The following DGKB variants were observed in gnomAD, a reference collection of about 807,000 sequenced individuals.
DGKB encodes the protein 90 kDa diacylglycerol kinase.
A neutral mutation model predicts 114.3 loss-of-function variants in DGKB; 67 were observed. That is an observed-to-expected ratio of 0.59 (90% confidence interval 0.48 to 0.72). The LOEUF (loss-of-function observed/expected upper bound fraction) is 0.72. Ranked by LOEUF, DGKB falls within the 30% of genes least tolerant of loss-of-function variation. The pLI, the probability that DGKB is intolerant of heterozygous loss-of-function variation, is 0.00. For missense variants in DGKB, 907 were observed against 975.2 expected (o/e 0.93, Z 0.93); for synonymous variants, 398 against 323.1 (o/e 1.23, Z -2.49).
intron 21 of DGKB, among the ~76,000 whole-genome samples, chr7:14,367,979 A>G (rs905228828): frequency 2.0e-5 from 3 of 152,136 alleles, no homozygotes; most frequent in African/African-American, 7.2e-5. Flanking sequence ...TTGGGTGGGG[A>G]CACAGAGCAA....
At chr7:14,246,333 A>T (rs1794469027) in intron 23 of DGKB, among the ~76,000 whole-genome samples, 1 of 152,204 alleles carries the variant, frequency 6.6e-6, no homozygotes, top group African/African-American at 2.4e-5. Context: ...GTAATTTTAT[A>T]GCCAAAGGGA....
intron 21 of DGKB, among the ~76,000 whole-genome samples, chr7:14,346,910 A>G (rs1812570808): frequency 6.6e-6 from 1 of 152,028 alleles, no homozygotes; most frequent in Non-Finnish European, 1.5e-5. Flanking sequence ...GACTATTGGA[A>G]TAGTCTTTCT....
intron 21 of DGKB, among the ~76,000 whole-genome samples, chr7:14,390,203 T>C (rs146646738): frequency 2.2e-4 from 34 of 152,324 alleles, no homozygotes; most frequent in African/African-American, 7.2e-4. Context: ...TAGTCCTTCT[T>C]GAATGTTTTT....
At chr7:14,891,615 G>A (rs536256934) in intron 1 of DGKB, among the ~76,000 whole-genome samples, 2 of 151,604 alleles carry the variant, frequency 1.3e-5, no homozygotes, top group Admixed American at 6.6e-5. Context: ...GGGATACAGA[G>A]AAGGTTGTGA....
chr7:14,332,250 C>T (rs1289639989), intron 23 of DGKB, among the ~76,000 whole-genome samples: 6 of 152,138 alleles, frequency 3.9e-5, no homozygotes, highest in African/African-American at 1.2e-4. Flanking sequence ...TTCTTTGTGC[C>T]CATTTTAGAG....
At chr7:14,280,869 A>C (rs1799835389) in intron 23 of DGKB, among the ~76,000 whole-genome samples, 1 of 151,926 alleles carries the variant, frequency 6.6e-6, no homozygotes, top group Admixed American at 6.6e-5. Flanking sequence ...AGGGCTAAAC[A>C]TGGAAAGGAA....
intron 21 of DGKB, among the ~76,000 whole-genome samples, chr7:14,392,464 G>A (rs73265857): frequency 1.3e-5 from 2 of 152,064 alleles, no homozygotes; most frequent in African/African-American, 2.4e-5. Context: ...TGAATGGAAC[G>A]TACTATTTAT....
At chr7:14,413,310 A>G (rs79800660) in intron 21 of DGKB, among the ~76,000 whole-genome samples, 2,805 of 152,284 alleles carry the variant, frequency 0.018, 75 homozygotes, top group African/African-American at 0.059. Context: ...TTTTACTTGC[A>G]TAACAAAATG....
intron 21 of DGKB, among the ~76,000 whole-genome samples, chr7:14,392,989 G>GTT (rs776845811): frequency 9.8e-5 from 1 of 10,166 alleles, no homozygotes; most frequent in African/African-American, 2.3e-4. Context: ...CCTGTTTTTT[G>GTT]TTTTTGTTTT....
chr7:14,291,916 A>G (rs752552536), intron 23 of DGKB, among the ~76,000 whole-genome samples: 2 of 152,110 alleles, frequency 1.3e-5, no homozygotes, highest in Admixed American at 1.3e-4. Context: ...GCAGGAGGTA[A>G]TATCAGGAGT....
chr7:14,149,896 A>G (rs1781933739), intron 25 of DGKB, among the ~76,000 whole-genome samples: 2 of 152,152 alleles, frequency 1.3e-5, no homozygotes, highest in Admixed American at 1.3e-4. Context: ...TTCTAAAGCT[A>G]CTCGTTTTGA....
chr7:14,232,097 T>C (rs1791956922), intron 23 of DGKB, among the ~76,000 whole-genome samples: 1 of 151,994 alleles, frequency 6.6e-6, no homozygotes, highest in Non-Finnish European at 1.5e-5. Context: ...TCATATCCTT[T>C]TGCCTCCCTC....
At chr7:14,594,209 A>T (rs546561507) in intron 17 of DGKB, among the ~76,000 whole-genome samples, 11 of 152,222 alleles carry the variant, frequency 7.2e-5, no homozygotes, top group African/African-American at 2.4e-4. Context: ...TTAGAAAGGG[A>T]GGGATTTAAT....
At chr7:14,186,988 A>C (rs946438763) in intron 23 of DGKB, among the ~76,000 whole-genome samples, 2 of 152,104 alleles carry the variant, frequency 1.3e-5, no homozygotes, top group Non-Finnish European at 2.9e-5. Context: ...ATGTAACCAA[A>C]TATCACCTGT....
chr7:14,389,179 C>T (rs985086064), intron 21 of DGKB, among the ~76,000 whole-genome samples: 37 of 152,092 alleles, frequency 2.4e-4, no homozygotes, highest in African/African-American at 8.4e-4. Context: ...CTGCTTTATT[C>T]CTTTGTTGGA....
At chr7:14,757,839 C>T in intron 2 of DGKB, 108 bp from the exon 3 acceptor site, 1 of 537,418 alleles carries the variant, frequency 1.9e-6, no homozygotes, top group Non-Finnish European at 3.3e-6. Context: ...TCAGCAGAAA[C>T]TAAATTTAAA....
chr7:14,908,504 C>A (rs528701384), intron 1 of DGKB, among the ~76,000 whole-genome samples: 1 of 152,254 alleles, frequency 6.6e-6, no homozygotes, highest in Admixed American at 6.5e-5. Context: ...ATCTTTAAAA[C>A]ACCATGCTAT....
intron 1 of DGKB, among the ~76,000 whole-genome samples, chr7:14,869,177 A>T (rs1852104503): frequency 6.6e-6 from 1 of 152,058 alleles, no homozygotes; most frequent in African/African-American, 2.4e-5. Flanking sequence ...ATATTACATT[A>T]AAAAAAATTG....
chr7:14,703,801 T>C (rs1825648949), intron 6 of DGKB, among the ~76,000 whole-genome samples: 1 of 152,200 alleles, frequency 6.6e-6, no homozygotes, highest in Non-Finnish European at 1.5e-5. Flanking sequence ...TGCATGCTCC[T>C]AAATATCGCT....
Sources: gnomAD v4.1 joint callset for allele counts (sites outside exome capture counted in the v4.1 genomes callset) on GRCh38, gnomAD v4.1.1 for gene constraint, MANE v1.5 for transcripts, NCBI Gene and HGNC (gene_info 2026-07-23, HGNC 2026-07-21) for gene names.